CPM: variants seen among roughly 807,000 people sequenced by gnomAD.
CPM encodes carboxypeptidase M, also known as renal carboxypeptidase.
In CPM, 35 loss-of-function variants were observed where a neutral mutation model predicts 46.4. That is an observed-to-expected ratio of 0.75 (90% CI 0.58 to 1.00). The LOEUF (loss-of-function observed/expected upper bound fraction) is 1.00. Ranked by LOEUF, CPM falls within the 50% of genes least tolerant of loss-of-function variation. The probability of loss-of-function intolerance (pLI) is 0.00; values close to 1 mark genes in which losing one functional copy is unlikely to be tolerated. For missense variants in CPM, 422 were observed against 530.4 expected (o/e 0.80, Z 2.01); for synonymous variants, 195 against 195.3 (o/e 1.00, Z 0.01).
chr12:68,860,067 G>A lies in CPM; in HGVS notation c.941-996C>T, dbSNP rs565444660. 2.8e-4 allele frequency among the ~76,000 whole-genome samples: 43 copies of A among 152,242 alleles called. No individual in the cohort carries two copies. In the South Asian group the frequency reaches 8.3e-3, roughly 29 times the overall value. On this transcript the variant is annotated intron_variant, in intron 7 of 8. Transcript: ENST00000551568. Reference sequence around the variant, plus strand: ...GAGGCACACGTAACAGTTTCCCCCAGAAACGGTTAAAGTGAAAAATAAAAA... The same window carrying A: ...GAGGCACACGTAACAGTTTCCCCCAAAAACGGTTAAAGTGAAAAATAAAAA...
intron 2 of CPM, among the ~76,000 whole-genome samples, chr12:68,909,904 G>A (rs887032807): frequency 1.2e-4 from 18 of 151,736 alleles, no homozygotes; most frequent in African/African-American, 3.9e-4. Flanking sequence ...GTTGATGGGT[G>A]CAGCAAACCA....
chr12:68,952,226 G>A (rs1163282167), intron 1 of CPM, among the ~76,000 whole-genome samples: 2 of 152,158 alleles, frequency 1.3e-5, no homozygotes, highest in Non-Finnish European at 2.9e-5. Flanking sequence ...AATATGTTTT[G>A]GGTTTTTGCT....
At chr12:68,891,446 C>G (rs1461796199) in intron 2 of CPM, among the ~76,000 whole-genome samples, 1 of 152,226 alleles carries the variant, frequency 6.6e-6, no homozygotes, top group East Asian at 1.9e-4. Context: ...AGTTTCCAGA[C>G]TAGCTATGCT....
chr12:68,862,847 C>A, intron 7 of CPM, among the ~76,000 whole-genome samples: 1 of 145,702 alleles, frequency 6.9e-6, no homozygotes. Flanking sequence ...AGAGAGCCAA[C>A]ACTATATTAA....
Position 68,894,347 on chromosome 12 carries a change from A to G in CPM, c.161-8458T>C, listed in dbSNP as rs1592669712. 2.6e-5 allele frequency among the ~76,000 whole-genome samples: 4 copies of G among 152,142 alleles called. No homozygotes were observed. The East Asian group carries it at 7.7e-4, about 29-fold the overall frequency. On this transcript the variant is annotated intron_variant, in intron 2 of 8. Coordinates refer to ENST00000551568, the MANE Select transcript of CPM (RefSeq NM_198320.5). ...AATTAGTATCTACTGTAACATTTCA[A>G]AAATTATTGGTGTATCTCCAGGACT...
At chr12:68,892,366 T>C (rs1886692598) in intron 2 of CPM, among the ~76,000 whole-genome samples, 1 of 152,038 alleles carries the variant, frequency 6.6e-6, no homozygotes, top group African/African-American at 2.4e-5. Flanking sequence ...GTTTGAGAAG[T>C]GATGGCTATT....
intron 2 of CPM, among the ~76,000 whole-genome samples, chr12:68,923,706 A>G (rs906853426): frequency 4.6e-5 from 7 of 152,226 alleles, no homozygotes; most frequent in African/African-American, 1.7e-4. Flanking sequence ...TGGGTACTCC[A>G]CTAGAAGACA....
At chr12:68,919,290 C>T (rs1887938573) in intron 2 of CPM, among the ~76,000 whole-genome samples, 1 of 152,184 alleles carries the variant, frequency 6.6e-6, no homozygotes, top group Admixed American at 6.5e-5. Context: ...AACCTATGTT[C>T]CACAGTAACT....
Position 68,851,809 on chromosome 12 carries a change from T to A in CPM, c.*4628A>T, listed in dbSNP as rs529172247. ...AACTTCTACTTTAGCTACAGTACTG[T>A]GGACTTTCAATGCTCTTTAACTAGT... On this transcript the variant is annotated 3_prime_UTR_variant, in exon 9 of 9. Coordinates refer to ENST00000551568, the MANE Select transcript of CPM (RefSeq NM_198320.5). 6.6e-6 allele frequency: 1 copy of A among 152,306 alleles called. No homozygotes were observed. The highest frequency in any genetic ancestry group is 1.5e-5 in the Non-Finnish European group (1 of 68,018). 9.4% of individuals were successfully genotyped at this position (152,306 alleles called of 1,614,324 possible). A position where few individuals can be genotyped will look rare whatever the true frequency, so the allele number is the denominator to read the frequency against.
chr12:68,922,556 C>G (rs143369128), intron 2 of CPM, among the ~76,000 whole-genome samples: 3 of 151,680 alleles, frequency 2.0e-5, no homozygotes, highest in Non-Finnish European at 4.4e-5. Context: ...TCTTCAACTC[C>G]GGGTAAGTGC....
chr12:68,876,802 T>C (rs1282151230), intron 3 of CPM, among the ~76,000 whole-genome samples: 1 of 152,132 alleles, frequency 6.6e-6, no homozygotes, highest in Non-Finnish European at 1.5e-5. Context: ...CTTCACAGAA[T>C]GTTTATTAAA....
At chr12:68,904,827 G>T (rs1049673401) in intron 2 of CPM, among the ~76,000 whole-genome samples, 5 of 152,236 alleles carry the variant, frequency 3.3e-5, no homozygotes, top group Non-Finnish European at 5.9e-5. Flanking sequence ...AGTCATACAT[G>T]AATGACTCCT....
At chr12:68,891,084 G>C (rs974575972) in intron 2 of CPM, among the ~76,000 whole-genome samples, 1 of 152,220 alleles carries the variant, frequency 6.6e-6, no homozygotes, top group Non-Finnish European at 1.5e-5. Context: ...TTTCTTCCAC[G>C]TAAGTGGGAA....
chr12:68,861,590 C>T (rs1006017955), intron 7 of CPM, among the ~76,000 whole-genome samples: 4 of 151,004 alleles, frequency 2.6e-5, no homozygotes, highest in Admixed American at 6.6e-5. Context: ...GCTGCAATGG[C>T]GCGATCTCAG....
chr12:68,885,261 G>A (rs567291923), intron 3 of CPM, among the ~76,000 whole-genome samples: 115 of 152,318 alleles, frequency 7.5e-4, no homozygotes, highest in Non-Finnish European at 1.4e-3. Flanking sequence ...TTGTTGAATG[G>A]TGAGTAGGAG....
Position 68,856,974 on chromosome 12 carries a change from C to A in CPM, c.1090-295G>T, listed in dbSNP as rs115502538. On this transcript the variant is annotated intron_variant, in intron 8 of 8. Coordinates refer to ENST00000551568, the MANE Select transcript of CPM (RefSeq NM_198320.5). ...AGGAAGCAGCAGATGTTTCTGCCAC[C>A]ATCCTTTTCGTGGGGCAGAAGGGTA... Among the ~76,000 whole-genome samples, 850 of 152,220 alleles carry A rather than the reference C, an allele frequency of 5.6e-3. 9 individuals are homozygous for A. The highest frequency in any genetic ancestry group is 0.019 in the African/African-American group (803 of 41,542).
At chr12:68,906,219 G>C (rs1339738210) in intron 2 of CPM, among the ~76,000 whole-genome samples, 1 of 152,096 alleles carries the variant, frequency 6.6e-6, no homozygotes, top group South Asian at 2.1e-4. Flanking sequence ...GTTCTTACAG[G>C]TATATCTTCA....
intron 1 of CPM, among the ~76,000 whole-genome samples, chr12:68,958,718 A>G (rs1242949247): frequency 6.6e-6 from 1 of 152,154 alleles, no homozygotes; most frequent in Non-Finnish European, 1.5e-5. Context: ...AAACATAATC[A>G]GAACATGTTC....
intron 2 of CPM, among the ~76,000 whole-genome samples, chr12:68,898,224 C>T (rs1275982108): frequency 1.3e-5 from 2 of 151,972 alleles, no homozygotes. Context: ...TTAATTCAGA[C>T]CCCTTTTGAC....
Sources: gnomAD v4.1 joint callset for allele counts (sites outside exome capture counted in the v4.1 genomes callset) on GRCh38, gnomAD v4.1.1 for gene constraint, MANE v1.5 for transcripts, NCBI Gene and HGNC (gene_info 2026-07-23, HGNC 2026-07-21) for gene names.